SPTBN4: variants seen among roughly 807,000 people sequenced by gnomAD.
The protein encoded by SPTBN4 is spectrin beta chain, non-erythrocytic 4.
Under a neutral mutation model 277.8 loss-of-function variants are expected in SPTBN4, and 96 were observed. The observed-to-expected ratio is 0.35, with a 90% CI of 0.29 to 0.41. The LOEUF is 0.41. Ranked by LOEUF, SPTBN4 falls within the 10% of genes least tolerant of loss-of-function variation. SPTBN4 has a pLI of 1.00. For synonymous variants in SPTBN4, 1,481 were observed against 1,580.3 expected (o/e 0.94, Z 1.49); for missense variants, 3,006 against 3,595.7 (o/e 0.84, Z 4.19).
rs938378532 is a variant in SPTBN4, at chr19:40,490,062, C to T, written c.322-13C>T. On this transcript the variant is annotated splice_polypyrimidine_tract_variant and intron_variant, in intron 3 of 35. Coordinates refer to ENST00000598249, the MANE Select transcript of SPTBN4 (RefSeq NM_020971.3). This position sits in a 1 kb window ranked among gnomAD's most constrained non-coding sequence, Gnocchi z 4.3. ...TCCAGACCCCCGATCGCCCACCGCCCCTGTCGCCCTAGCCCAGGCCCACGC... is the reference window on the plus strand; with the variant it reads ...TCCAGACCCCCGATCGCCCACCGCCTCTGTCGCCCTAGCCCAGGCCCACGC... The T allele has an allele frequency of 1.7e-5, 27 of 1,594,280 alleles. No individual in the cohort carries two copies. Among genetic ancestry groups the T allele is most frequent in the Non-Finnish European group, 2.2e-5 (26 of 1,168,336 alleles).
Position 40,519,286 on chromosome 19 carries a change from T to G in SPTBN4, c.2904-115T>G. On this transcript the variant is annotated intron_variant, in intron 15 of 35. Coordinates refer to ENST00000598249, the MANE Select transcript of SPTBN4 (RefSeq NM_020971.3). The surrounding 1 kb of genome is among the most constrained non-coding windows in gnomAD (Gnocchi z 5.7). ...ACCGGCAGAAACTGGAGAAACTTTCTGAGGTCACACAGTGGCTGGGTGGCT... is the reference window on the plus strand; with the variant it reads ...ACCGGCAGAAACTGGAGAAACTTTCGGAGGTCACACAGTGGCTGGGTGGCT... 1 of 1,091,668 alleles carries G rather than the reference T, an allele frequency of 9.2e-7. No individual in the cohort carries two copies. 67.6% of individuals were successfully genotyped at this position (1,091,668 alleles called of 1,614,324 possible).
At chr19:40,552,075 T>G (rs1252280754) in intron 22 of SPTBN4, among the ~76,000 whole-genome samples, 1 of 151,870 alleles carries the variant, frequency 6.6e-6, no homozygotes, top group East Asian at 1.9e-4. Flanking sequence ...CCCAGCACTT[T>G]GGGAGGCTGA....
In SPTBN4 at chr19:40,519,345, T is replaced by C. The variant is rs2080495638; in HGVS notation, c.2904-56T>C. ...GATTCTACCCTGGGTCGGCGGGCCC[T>C]CCGCGCCCAAGAGGAGTCCCTGTCC... On this transcript the variant is annotated intron_variant, in intron 15 of 35. Transcript: ENST00000598249. The surrounding 1 kb of genome is among the most constrained non-coding windows in gnomAD (Gnocchi z 5.7). The C allele has an allele frequency of 7.1e-7, 1 of 1,417,000 alleles. No homozygotes were observed. Among genetic ancestry groups the C allele is most frequent in the Non-Finnish European group, 9.2e-7 (1 of 1,086,286 alleles). 87.8% of individuals were successfully genotyped at this position (1,417,000 alleles called of 1,614,324 possible). A position where few individuals can be genotyped will look rare whatever the true frequency, so the allele number is the denominator to read the frequency against.
Position 40,566,449 on chromosome 19 carries a change from G to A in SPTBN4, c.6336+90G>A, listed in dbSNP as rs552671738. On this transcript the variant is annotated intron_variant, in intron 30 of 35. Transcript: ENST00000598249. The stretch of plus-strand genomic sequence containing the variant: ...ATATGAGACAGACACACCGAGACAT[G>A]GTGCTTGGTCCTGTGTTGTGTGAGT... 5.6e-6 allele frequency: 7 copies of A among 1,250,584 alleles called. No individual in the cohort carries two copies. In the South Asian group the frequency reaches 1.2e-4, roughly 21 times the overall value. 77.5% of individuals were successfully genotyped at this position (1,250,584 alleles called of 1,614,324 possible). A position where few individuals can be genotyped will look rare whatever the true frequency, so the allele number is the denominator to read the frequency against.
At chr19:40,489,479 C>G (rs1367330375) in intron 3 of SPTBN4, among the ~76,000 whole-genome samples, 1 of 152,026 alleles carries the variant, frequency 6.6e-6, no homozygotes, top group Non-Finnish European at 1.5e-5. Context: ...CTCCGCTTCC[C>G]GGGTTCAAAG....
At chr19:40,509,402 T>C (rs1206566243) in intron 13 of SPTBN4, among the ~76,000 whole-genome samples, 3 of 151,860 alleles carry the variant, frequency 2.0e-5, no homozygotes, top group Non-Finnish European at 4.4e-5. Context: ...TGCGCCACCA[T>C]GTCCGGCTAA....
intron 7 of SPTBN4, among the ~76,000 whole-genome samples, chr19:40,499,229 G>A (rs2080237021): frequency 6.7e-6 from 1 of 149,312 alleles, no homozygotes; most frequent in South Asian, 2.1e-4. Context: ...AGCAGAGACA[G>A]GGTTTCACCA....
At position 40,519,320 on chromosome 19, in the gene SPTBN4, G is replaced by C; in HGVS notation, c.2904-81G>C. On this transcript the variant is annotated intron_variant, in intron 15 of 35. Transcript: ENST00000598249. This position sits in a 1 kb window ranked among gnomAD's most constrained non-coding sequence, Gnocchi z 5.7. ...ACAGTGGCTGGGTGGCTTGGGCCTG[G>C]ATTCTACCCTGGGTCGGCGGGCCCT... 7.3e-7 allele frequency: 1 copy of C among 1,374,050 alleles called. No individual in the cohort carries two copies. The highest frequency in any genetic ancestry group is 9.4e-7 in the Non-Finnish European group (1 of 1,061,200). 85.1% of individuals were successfully genotyped at this position (1,374,050 alleles called of 1,614,324 possible). A position where few individuals can be genotyped will look rare whatever the true frequency, so the allele number is the denominator to read the frequency against.
chr19:40,473,354 GTTTTTT>G (rs61584591), intron 2 of SPTBN4, among the ~76,000 whole-genome samples: 5 of 99,094 alleles, frequency 5.0e-5, no homozygotes, highest in African/African-American at 8.2e-5. Context: ...CTGGCCTGGT[GTTTTTT>G]TTTTTTTTTT....
chr19:40,478,953 C>A, intron 2 of SPTBN4, among the ~76,000 whole-genome samples: 1 of 152,214 alleles, frequency 6.6e-6, no homozygotes. Flanking sequence ...GAACTCCAGA[C>A]CCCAAACCAG....
intron 15 of SPTBN4, among the ~76,000 whole-genome samples, chr19:40,518,811 G>A (rs965564546): frequency 6.6e-6 from 1 of 152,112 alleles, no homozygotes; most frequent in African/African-American, 2.4e-5. Flanking sequence ...TGGGAGGACC[G>A]CTTGAGCCTG....
At chr19:40,541,462 G>T (rs1430748543) in intron 20 of SPTBN4, among the ~76,000 whole-genome samples, 1 of 152,204 alleles carries the variant, frequency 6.6e-6, no homozygotes, top group Non-Finnish European at 1.5e-5. Flanking sequence ...CTGCTACTGG[G>T]GAAGGGACCT....
At chr19:40,487,932 C>A in intron 3 of SPTBN4, 84 bp downstream of exon 3, 1 of 1,425,332 alleles carries the variant, frequency 7.0e-7, no homozygotes, top group Non-Finnish European at 9.3e-7. Flanking sequence ...GGCTGAACTG[C>A]AAGCAGGGGC....
intron 6 of SPTBN4, among the ~76,000 whole-genome samples, chr19:40,496,030 G>C (rs1262797812): frequency 5.3e-5 from 8 of 152,172 alleles, no homozygotes; most frequent in Admixed American, 3.9e-4. Flanking sequence ...CTCACACTAG[G>C]TGACATTCGC....
intron 1 of SPTBN4, among the ~76,000 whole-genome samples, chr19:40,469,463 C>T (rs989394785): frequency 6.6e-6 from 1 of 151,482 alleles, no homozygotes; most frequent in Non-Finnish European, 1.5e-5. Flanking sequence ...TGGGGTTTCA[C>T]CATGTTGGCC....
At chr19:40,508,550 T>C (rs923107382) in intron 13 of SPTBN4, among the ~76,000 whole-genome samples, 32 of 152,070 alleles carry the variant, frequency 2.1e-4, no homozygotes, top group Admixed American at 1.9e-3. Context: ...TAATTTGGTG[T>C]GGTGGCATGA....
At position 40,503,959 on chromosome 19, in the gene SPTBN4, G is replaced by A. The variant is rs775127507; in HGVS notation, c.1492G>A (p.Glu498Lys). The part of the protein sequence containing the change: ...VAELAQALAA[E>K]GYYDIRRVAA... The stretch of plus-strand genomic sequence containing the variant: ...GGAGCTGGCCCAGGCATTGGCAGCC[G>A]AAGGCTACTACGATATCCGGCGGGT... Residue 498 changes from glutamate to lysine, a missense_variant, in exon 12 of 36, where the codon GAA becomes AAA. By Grantham distance (56) the Glu-to-Lys change is moderately conservative. This residue lies in a region of SPTBN4 where 1,759 missense variants were observed against 2,061.5 expected (regional missense o/e 0.85). Transcript: ENST00000598249. 17 of 1,613,812 alleles carry A rather than the reference G, an allele frequency of 1.1e-5. No homozygotes were observed. The South Asian group carries it at 1.1e-4, about 10-fold the overall frequency.
intron 20 of SPTBN4, among the ~76,000 whole-genome samples, chr19:40,545,123 T>C (rs2080845131): frequency 6.6e-6 from 1 of 151,858 alleles, no homozygotes; most frequent in African/African-American, 2.4e-5. Flanking sequence ...CAGGATGGAG[T>C]CTTGCTGTGT....
rs765913093 is a variant in SPTBN4 at position 40,568,206 on chromosome 19, G to C, written c.6880G>C (p.Glu2294Gln). ...GRYEQMERRRERRERRLERQE... is the reference protein window; with the variant it reads ...GRYEQMERRRQRRERRLERQE... ...CTATGAGCAGATGGAGCGGCGGCGC[G>C]AGCGGCGTGAGCGGCGCTTGGAGCG... Residue 2294 changes from glutamate (E) to glutamine (Q), a missense_variant, in exon 31 of 36, where the codon GAG (glutamate) becomes CAG (glutamine). Physicochemically the swap from Glu to Gln is conservative, Grantham distance 29. This residue lies in a region of SPTBN4 where 630 missense variants were observed against 677.6 expected (regional missense o/e 0.93). Transcript: ENST00000598249. 5.0e-6 allele frequency: 8 copies of C among 1,598,186 alleles called. No homozygotes were observed. The highest frequency in any genetic ancestry group is 6.8e-6 in the Non-Finnish European group (8 of 1,172,736).
Sources: gnomAD v4.1 joint callset for allele counts (sites outside exome capture counted in the v4.1 genomes callset) on GRCh38, gnomAD v4.1.1 for gene constraint, gnomAD v4.1.1 regional missense constraint, Gnocchi (gnomAD v3.1) non-coding constraint, MANE v1.5 for transcripts, NCBI Gene and HGNC (gene_info 2026-07-23, HGNC 2026-07-21) for gene names.